CERS1: variants seen among roughly 807,000 people sequenced by gnomAD.
CERS1 encodes ceramide synthase 1, also known as Embryonic growth/differentiation factor 1.
A neutral mutation model predicts 35.7 loss-of-function variants in CERS1; 16 were observed. The observed-to-expected ratio is 0.45, with a 90% CI of 0.30 to 0.68. The LOEUF is 0.68. CERS1 is among the 30% of genes least tolerant of loss of function. CERS1 has a pLI of 0.08. For missense variants in CERS1, 454 were observed against 453.9 expected (o/e 1.00, Z 0.00); for synonymous variants, 243 against 201.6 (o/e 1.21, Z -1.74).
intron 2 of CERS1, among the ~76,000 whole-genome samples, chr19:18,888,892 T>TTTG (rs2056427684): frequency 6.9e-6 from 1 of 145,600 alleles, no homozygotes; most frequent in African/African-American, 2.5e-5. Flanking sequence ...TTTCTTTCTT[T>TTTG]TTTTTTTTTT....
chr19:18,872,329 TTC>T (rs1017505885), intron 6 of CERS1, among the ~76,000 whole-genome samples: 1 of 152,176 alleles, frequency 6.6e-6, no homozygotes, highest in Non-Finnish European at 1.5e-5. Flanking sequence ...GAGATAGCTT[TTC>T]TCTGTTATCT....
rs2055945981 is a variant in CERS1, at chr19:18,870,348, G to A, written c.*229C>T. ...TGACCAGAGAGTGCGCAGGGTCCGC[G>A]GCGGCCCGGGACCAGTGGGCTGAGG... On this transcript the variant is annotated 3_prime_UTR_variant, in exon 7 of 8. Transcript: ENST00000623882. The surrounding 1 kb of genome is among the most constrained non-coding windows in gnomAD (Gnocchi z 5.1). 12 of 1,541,892 alleles carry A rather than the reference G, an allele frequency of 7.8e-6. No homozygotes were observed. The East Asian group carries it at 2.7e-4, about 35-fold the overall frequency.
chr19:18,881,291 C>T (rs1358210941), intron 3 of CERS1, among the ~76,000 whole-genome samples: 1 of 151,578 alleles, frequency 6.6e-6, no homozygotes, highest in Non-Finnish European at 1.5e-5. Flanking sequence ...ACGATCTCAG[C>T]TCACCGCAAC....
intron 4 of CERS1, 58 bp from the exon 5 acceptor site, chr19:18,879,446 C>A: frequency 6.5e-7 from 1 of 1,535,588 alleles, no homozygotes; most frequent in East Asian, 2.4e-5. Context: ...CTACCCAGTC[C>A]CTGTCCTATC....
At chr19:18,890,078 GCCCA>G (rs1002649993) in intron 2 of CERS1, among the ~76,000 whole-genome samples, 4 of 152,120 alleles carry the variant, frequency 2.6e-5, no homozygotes, top group African/African-American at 9.7e-5. Context: ...TCTGCTCCCA[GCCCA>G]CAGATAAGTA....
intron 2 of CERS1, among the ~76,000 whole-genome samples, chr19:18,887,545 G>C (rs1016848744): frequency 6.6e-6 from 1 of 152,148 alleles, no homozygotes; most frequent in Non-Finnish European, 1.5e-5. Context: ...AGGAGTTGGA[G>C]ACCAGCCTGG....
chr19:18,875,973 A>T (rs1568295515), intron 6 of CERS1, among the ~76,000 whole-genome samples: 1 of 152,170 alleles, frequency 6.6e-6, no homozygotes, highest in Non-Finnish European at 1.5e-5. Context: ...AATATTAGAG[A>T]ATAAGTTCCT....
At chr19:18,869,855 T>G in intron 7 of CERS1, 128 bp downstream of exon 7, 1 of 883,372 alleles carries the variant, frequency 1.1e-6, no homozygotes, top group Non-Finnish European at 1.8e-6. Flanking sequence ...GTGGCCGAAG[T>G]TGCTAGTAGC....
chr19:18,877,501 A>T (rs2056079584), intron 6 of CERS1, among the ~76,000 whole-genome samples: 1 of 152,166 alleles, frequency 6.6e-6, no homozygotes, highest in African/African-American at 2.4e-5. Context: ...CTGTAATCCC[A>T]GCAGCTTTGG....
At chr19:18,873,944 G>A (rs1214533203) in intron 6 of CERS1, among the ~76,000 whole-genome samples, 1 of 152,076 alleles carries the variant, frequency 6.6e-6, no homozygotes, top group Admixed American at 6.6e-5. Flanking sequence ...ATGGGGGGAG[G>A]AAGATGGGGC....
intron 6 of CERS1, among the ~76,000 whole-genome samples, chr19:18,877,015 C>T (rs893313320): frequency 6.6e-5 from 10 of 152,172 alleles, no homozygotes; most frequent in South Asian, 2.1e-4. Flanking sequence ...GGCATCCTGA[C>T]GGGCTCTTTT....
intron 6 of CERS1, among the ~76,000 whole-genome samples, chr19:18,873,482 AC>A (rs2056010595): frequency 6.6e-6 from 1 of 151,496 alleles, no homozygotes; most frequent in South Asian, 2.1e-4. Context: ...GGATCACCTG[AC>A]CCTAGGAGTT....
chr19:18,888,611 A>G (rs569983295), intron 2 of CERS1, among the ~76,000 whole-genome samples: 1 of 149,968 alleles, frequency 6.7e-6, no homozygotes, highest in African/African-American at 2.5e-5. Context: ...GAGGCAGATC[A>G]CCTGAAGTCG....
chr19:18,875,966 A>T (rs1379071170), intron 6 of CERS1, among the ~76,000 whole-genome samples: 1 of 152,222 alleles, frequency 6.6e-6, no homozygotes, highest in South Asian at 2.1e-4. Context: ...ATCCAGAAAT[A>T]TTAGAGAATA....
Position 18,868,546 on chromosome 19 carries a change from A to G in CERS1, c.*1439T>C, listed in dbSNP as rs1233353943. The G allele has an allele frequency of 4.3e-6, 6 of 1,409,764 alleles. No individual in the cohort carries two copies. Among genetic ancestry groups the G allele is most frequent in the South Asian group, 2.5e-5 (2 of 81,238 alleles). The allele number at this position is 1,409,764 out of a possible 1,614,324, so 87.3% of individuals were successfully genotyped here. On this transcript the variant is annotated 3_prime_UTR_variant, in exon 8 of 8. Coordinates refer to ENST00000623882, the MANE Select transcript of CERS1 (RefSeq NM_021267.5). ...GCAAGGAGTCCAAGGAGACCAGCGG[A>G]GCAGACCACGCGGCATTTATTGTTG...
chr19:18,871,209 CA>C (rs2055963965), intron 6 of CERS1, among the ~76,000 whole-genome samples: 1 of 149,474 alleles, frequency 6.7e-6, no homozygotes, highest in Admixed American at 6.8e-5. Flanking sequence ...AGGGGCACGC[CA>C]CCACTCCCAG....
chr19:18,879,106 T>C (rs930887368), intron 5 of CERS1, 67 bp from the exon 6 acceptor site: 31 of 1,592,736 alleles, frequency 1.9e-5, no homozygotes, highest in African/African-American at 2.7e-5. Flanking sequence ...CTGACAGCCA[T>C]GTGCTCCTGT....
At chr19:18,869,589 G>T (rs921943644) in intron 7 of CERS1, among the ~76,000 whole-genome samples, 199 bp from the exon 8 acceptor site, 4 of 151,048 alleles carry the variant, frequency 2.6e-5, no homozygotes, top group Admixed American at 6.6e-5. Flanking sequence ...GGTGCGGCGG[G>T]GGGGGTGGGC....
rs780298709 is a variant in CERS1 at position 18,870,038 on chromosome 19, G to T, written c.*539C>A. ...CGGCGACCCCCAGCTCCTCCACGTG[G>T]CACGGTTGCAGGGTGACCCCTGGGG... On this transcript the variant is annotated 3_prime_UTR_variant, in exon 7 of 8. Coordinates refer to ENST00000623882, the MANE Select transcript of CERS1 (RefSeq NM_021267.5). The surrounding 1 kb of genome is among the most constrained non-coding windows in gnomAD (Gnocchi z 5.1). 2 of 1,595,752 alleles carry T rather than the reference G, an allele frequency of 1.3e-6. No homozygotes were observed.
Sources: gnomAD v4.1 joint callset for allele counts (sites outside exome capture counted in the v4.1 genomes callset) on GRCh38, gnomAD v4.1.1 for gene constraint, Gnocchi (gnomAD v3.1) non-coding constraint, MANE v1.5 for transcripts, NCBI Gene and HGNC (gene_info 2026-07-23, HGNC 2026-07-21) for gene names.